Variants in ANKFN1 observed in about 807,000 individuals in gnomAD.
The protein encoded by ANKFN1 is ankyrin repeat and fibronectin type III domain containing 1, also known as ankyrin repeat and fibronectin type-III domain-containing protein 1.
ANKFN1 carries 74 observed loss-of-function variants against 108.7 expected under a neutral mutation model. That is an observed-to-expected ratio of 0.68 (90% CI 0.56 to 0.83). The LOEUF (loss-of-function observed/expected upper bound fraction) is 0.83. Among genes scored for constraint, ANKFN1 ranks in the 40% least tolerant of loss-of-function variants. ANKFN1 has a pLI of 0.00. For missense variants in ANKFN1, 1,505 were observed against 1,382.3 expected (o/e 1.09, Z -1.41); for synonymous variants, 547 against 516.2 (o/e 1.06, Z -0.81).
intron 4 of ANKFN1, among the ~76,000 whole-genome samples, chr17:56,146,740 C>T (rs1373584319): frequency 6.6e-6 from 1 of 152,142 alleles, no homozygotes; most frequent in Non-Finnish European, 1.5e-5. Context: ...ACCATTTTTA[C>T]CCCCTGGCCT....
intron 19 of ANKFN1, 112 bp from the exon 20 acceptor site, chr17:56,498,770 C>G: frequency 1.2e-6 from 1 of 814,552 alleles, no homozygotes; most frequent in Non-Finnish European, 1.9e-6. Flanking sequence ...ATATTTTACT[C>G]TTGCTCAAAG....
intron 1 of ANKFN1, among the ~76,000 whole-genome samples, chr17:56,166,476 A>G (rs1910138383): frequency 6.6e-6 from 1 of 152,126 alleles, no homozygotes; most frequent in Non-Finnish European, 1.5e-5. Context: ...ACCTCCCTCA[A>G]TGGGATGATC....
At chr17:56,108,212 T>C (rs1905786224) in intron 4 of ANKFN1, among the ~76,000 whole-genome samples, 1 of 152,190 alleles carries the variant, frequency 6.6e-6, no homozygotes, top group Non-Finnish European at 1.5e-5. Flanking sequence ...ATTTTTGTAT[T>C]TTTAGTAGAG....
intron 4 of ANKFN1, among the ~76,000 whole-genome samples, chr17:56,107,202 G>T (rs145338917): frequency 1.3e-5 from 2 of 152,144 alleles, no homozygotes; most frequent in Non-Finnish European, 2.9e-5. Context: ...CTGGGCTGGG[G>T]CTGCAGAGCT....
chr17:56,507,889 CTT>C (rs1200305881), intron 20 of ANKFN1, among the ~76,000 whole-genome samples: 2 of 152,196 alleles, frequency 1.3e-5, no homozygotes, highest in Admixed American at 6.5e-5. Context: ...CTAAGTCACT[CTT>C]TCATTAAAAT....
chr17:56,388,638 A>G (rs1396526698), intron 8 of ANKFN1, among the ~76,000 whole-genome samples: 3 of 151,842 alleles, frequency 2.0e-5, no homozygotes, highest in South Asian at 4.2e-4. Flanking sequence ...TTCCTTTTCC[A>G]TGTATTTTCT....
intron 14 of ANKFN1, among the ~76,000 whole-genome samples, chr17:56,461,438 C>A (rs955877564): frequency 1.3e-5 from 2 of 152,202 alleles, no homozygotes; most frequent in African/African-American, 4.8e-5. Flanking sequence ...TTCCGATTTT[C>A]TTCCAACTTG....
At chr17:56,110,259 G>A (rs1905882481) in intron 4 of ANKFN1, among the ~76,000 whole-genome samples, 1 of 152,070 alleles carries the variant, frequency 6.6e-6, no homozygotes, top group Non-Finnish European at 1.5e-5. Context: ...CTAGCTCAGG[G>A]TCTTTTATTT....
chr17:56,177,477 C>T (rs1328849672), intron 1 of ANKFN1, among the ~76,000 whole-genome samples: 2 of 152,230 alleles, frequency 1.3e-5, no homozygotes, highest in Non-Finnish European at 2.9e-5. Flanking sequence ...GACTCCTGTT[C>T]CATCTTCCCT....
intron 4 of ANKFN1, among the ~76,000 whole-genome samples, chr17:56,113,790 G>T (rs1906108966): frequency 6.6e-6 from 1 of 152,202 alleles, no homozygotes; most frequent in Non-Finnish European, 1.5e-5. Context: ...CCCACAGGGA[G>T]AAATAGAGTC....
At chr17:56,344,443 A>G (rs946534615) in intron 4 of ANKFN1, among the ~76,000 whole-genome samples, 1 of 151,980 alleles carries the variant, frequency 6.6e-6, no homozygotes, top group African/African-American at 2.4e-5. Flanking sequence ...GGCAGCTGAA[A>G]ATACCACCTT....
chr17:56,381,473 C>T (rs531352930), intron 8 of ANKFN1, among the ~76,000 whole-genome samples: 24 of 152,166 alleles, frequency 1.6e-4, no homozygotes, highest in African/African-American at 4.1e-4. Context: ...AGGCATCAGA[C>T]GATCAAACTA....
At chr17:56,245,308 A>G (rs1435293730) in intron 3 of ANKFN1, among the ~76,000 whole-genome samples, 1 of 152,002 alleles carries the variant, frequency 6.6e-6, no homozygotes, top group Non-Finnish European at 1.5e-5. Context: ...TAGACAGTGA[A>G]TCTAGTATTT....
chr17:56,149,731 T>G (rs984116948), upstream of ANKFN1, among the ~76,000 whole-genome samples: 5 of 152,186 alleles, frequency 3.3e-5, no homozygotes, highest in Non-Finnish European at 7.3e-5. Flanking sequence ...TTGAGGCCAG[T>G]GAGAAAAAGA....
At position 56,511,344 on chromosome 17, in the gene ANKFN1, C is replaced by T; in HGVS notation, c.*75C>T. 5 of 1,297,250 alleles carry T rather than the reference C, an allele frequency of 3.9e-6. No individual in the cohort carries two copies. The South Asian group carries it at 6.1e-5, about 16-fold the overall frequency. 80.4% of individuals were successfully genotyped at this position (1,297,250 alleles called of 1,614,324 possible). A position where few individuals can be genotyped will look rare whatever the true frequency, so the allele number is the denominator to read the frequency against. On this transcript the variant is annotated 3_prime_UTR_variant, in exon 21 of 21. Coordinates refer to ENST00000682825, the MANE Select transcript of ANKFN1 (RefSeq NM_001370326.1). Reference sequence around the variant, plus strand: ...ACATCACCCTTACCCCCATCCTGCCCCACTGTGTACCCACTCATTTTCAAG... The same window carrying T: ...ACATCACCCTTACCCCCATCCTGCCTCACTGTGTACCCACTCATTTTCAAG...
rs1365552871 is a variant in ANKFN1 at position 56,442,917 on chromosome 17, A to G, written c.1083A>G (p.Ala361=). ...GACCTGCTCAGACCACGACACCGGC[A>G]TGTGCCTCTCCTTCTAGTAGGTGGT... ...GWGPAQTTTP[A]CASPSNWKDY... is the part of the protein sequence containing the mutation. Residue 361 remains alanine (A), a synonymous_variant, in exon 10 of 21, where the codon GCA becomes GCG. Transcript: ENST00000682825. 1.2e-6 allele frequency: 2 copies of G among 1,613,746 alleles called. No homozygotes were observed. Among genetic ancestry groups the G allele is most frequent in the South Asian group, 1.1e-5 (1 of 91,056 alleles).
At chr17:56,310,629 GA>G (rs1456096785) in intron 3 of ANKFN1, among the ~76,000 whole-genome samples, 1 of 148,176 alleles carries the variant, frequency 6.7e-6, no homozygotes, top group Non-Finnish European at 1.5e-5. Flanking sequence ...AAAAAAAAAA[GA>G]AAAAAAGAAA....
chr17:56,368,008 C>A, intron 6 of ANKFN1: 2 of 290,614 alleles, frequency 6.9e-6, no homozygotes, highest in Non-Finnish European at 1.3e-5. Flanking sequence ...TCCCATCTCC[C>A]TGGGTCTCAA....
intron 4 of ANKFN1, among the ~76,000 whole-genome samples, chr17:56,147,883 A>G (rs1344499082): frequency 1.3e-5 from 2 of 152,194 alleles, no homozygotes; most frequent in East Asian, 3.9e-4. Context: ...TGTTAGCTAC[A>G]ACTTCTACTT....
Sources: allele counts gnomAD v4.1 joint callset (sites outside exome capture counted in the v4.1 genomes callset), GRCh38; gene constraint gnomAD v4.1.1; transcripts MANE v1.5; gene names NCBI Gene and HGNC (gene_info 2026-07-23, HGNC 2026-07-21).